PPP4R1: variants seen among roughly 807,000 people sequenced by gnomAD.
The protein encoded by PPP4R1 is serine/threonine-protein phosphatase 4 regulatory subunit 1.
A neutral mutation model predicts 111.2 loss-of-function variants in PPP4R1; 42 were observed. The observed-to-expected ratio is 0.38, with a 90% CI of 0.29 to 0.49. PPP4R1 has a LOEUF of 0.49. Among genes scored for constraint, PPP4R1 ranks in the 20% least tolerant of loss-of-function variants. The pLI is 0.97. For missense variants in PPP4R1, 1,012 were observed against 1,161.6 expected (o/e 0.87, Z 1.87); for synonymous variants, 409 against 405.5 (o/e 1.01, Z -0.10).
intron 15 of PPP4R1, among the ~76,000 whole-genome samples, chr18:9,554,827 A>C (rs2066545157): frequency 6.6e-6 from 1 of 152,258 alleles, no homozygotes; most frequent in South Asian, 2.1e-4. Flanking sequence ...AAAGGACACA[A>C]GAGGCAGCTT....
intron 2 of PPP4R1, among the ~76,000 whole-genome samples, chr18:9,605,027 A>G (rs1409958746): frequency 6.6e-6 from 1 of 152,210 alleles, no homozygotes; most frequent in African/African-American, 2.4e-5. Flanking sequence ...ATTGATCAAA[A>G]CACCCTTCTA....
intron 11 of PPP4R1, among the ~76,000 whole-genome samples, chr18:9,568,940 C>T (rs182974318): frequency 6.6e-5 from 10 of 151,974 alleles, no homozygotes; most frequent in African/African-American, 2.2e-4. Flanking sequence ...GAGGTTGAGG[C>T]CAAAGAATCG....
At chr18:9,558,357 G>A (rs1258884033) in intron 14 of PPP4R1, among the ~76,000 whole-genome samples, 1 of 152,118 alleles carries the variant, frequency 6.6e-6, no homozygotes, top group Non-Finnish European at 1.5e-5. Context: ...TACATCCCAC[G>A]GGAACCCTAC....
chr18:9,588,357 A>C, intron 5 of PPP4R1, 122 bp from the exon 6 acceptor site: 1 of 1,058,412 alleles, frequency 9.4e-7, no homozygotes, highest in Non-Finnish European at 1.3e-6. Flanking sequence ...AACTCCGCAA[A>C]TAAATATTTG....
intron 2 of PPP4R1, among the ~76,000 whole-genome samples, chr18:9,609,002 G>A (rs1431102940): frequency 1.3e-5 from 2 of 152,076 alleles, no homozygotes; most frequent in South Asian, 2.1e-4. Flanking sequence ...GAGGGCAGTG[G>A]ATCGTGTAGC....
At chr18:9,560,937 G>A (rs1421126867) in intron 13 of PPP4R1, among the ~76,000 whole-genome samples, 1 of 151,796 alleles carries the variant, frequency 6.6e-6, no homozygotes, top group Non-Finnish European at 1.5e-5. Flanking sequence ...TAATCCTAAG[G>A]CTGGGCACGG....
At position 9,584,761 on chromosome 18, in the gene PPP4R1, C is replaced by A. The variant is rs750981983; in HGVS notation, c.653G>T (p.Cys218Phe). The A allele has an allele frequency of 6.2e-7, 1 of 1,613,884 alleles. No individual in the cohort carries two copies. The highest frequency in any genetic ancestry group is 1.7e-5 in the Admixed American group (1 of 60,006). ...ITERLILPRF[C>F]EMCCDCRMFH... ...CATTCTGCAATCGCAGCACATCTCA[C>A]AAAACCTAGGGAGGATAAGACGCTC... Residue 218 changes from cysteine to phenylalanine, a missense_variant, in exon 7 of 20, where the codon TGT (cysteine) becomes TTT (phenylalanine). Physicochemically the swap from Cys to Phe is radical, Grantham distance 205. Around this residue, in one of 2 missense-constraint regions of PPP4R1, gnomAD observed 707 missense variants for 742.1 expected, o/e 0.95. Coordinates refer to ENST00000400556, the MANE Select transcript of PPP4R1 (RefSeq NM_001042388.3).
intron 11 of PPP4R1, among the ~76,000 whole-genome samples, chr18:9,566,019 T>G (rs2066759178): frequency 6.6e-6 from 1 of 151,962 alleles, no homozygotes; most frequent in Admixed American, 6.6e-5. Context: ...CTAGCAATTC[T>G]CCTGCCCCAG....
At position 9,556,694 on chromosome 18, in the gene PPP4R1, C is replaced by T. The variant is rs112298248; in HGVS notation, c.2190+527G>A. ...GGGCTAAACGTAAATTCTCAAGACGCCTGAAATACCACACAAAGCCTCCAA... is the reference window on the plus strand; with the variant it reads ...GGGCTAAACGTAAATTCTCAAGACGTCTGAAATACCACACAAAGCCTCCAA... On this transcript the variant is annotated intron_variant, in intron 15 of 19. Transcript: ENST00000400556. Among the ~76,000 whole-genome samples, 3 of 152,294 alleles carry T rather than the reference C, an allele frequency of 2.0e-5. 1 individual carries two copies. Among genetic ancestry groups the T allele is most frequent in the African/African-American group, 7.2e-5 (3 of 41,562 alleles).
intron 9 of PPP4R1, among the ~76,000 whole-genome samples, chr18:9,578,554 T>TAA (rs58206099): frequency 5.2e-5 from 7 of 135,852 alleles, no homozygotes; most frequent in South Asian, 2.4e-4. Flanking sequence ...TTCTTTTCTT[T>TAA]AAAAAAAAAA....
At chr18:9,602,985 A>G (rs2067417069) in intron 2 of PPP4R1, among the ~76,000 whole-genome samples, 1 of 152,212 alleles carries the variant, frequency 6.6e-6, no homozygotes, top group Non-Finnish European at 1.5e-5. Flanking sequence ...ACACAGTGAT[A>G]ATGTCTGCAA....
rs758040581 is a variant in PPP4R1, at chr18:9,550,142, C to T, written c.2457G>A (p.Thr819=). ...VKKLHAATPP[T]FGVDLINELV... is the part of the protein sequence containing the mutation. ...GCTCATTGATGAGGTCCACTCCGAA[C>T]GTTGGTGGTGTTGCCGCGTGCAGCT... Residue 819 remains threonine (T), a synonymous_variant, in exon 18 of 20, where the codon ACG becomes ACA. Transcript: ENST00000400556. 9.9e-6 allele frequency: 16 copies of T among 1,614,080 alleles called. No individual in the cohort carries two copies. In the Admixed American group the frequency reaches 1.2e-4, roughly 12 times the overall value.
intron 4 of PPP4R1, chr18:9,590,295 CA>C (rs1439801667): frequency 1.3e-5 from 2 of 152,282 alleles, no homozygotes; most frequent in East Asian, 3.9e-4. Context: ...ATCTTATCAA[CA>C]AACCAATATC....
In PPP4R1 at chr18:9,548,370, G is replaced by A. The variant is rs73395773; in HGVS notation, c.2690-418C>T. ...ACTTCTTTCTGTGCTTCATTCATCC[G>A]TGCAACTATATTTATGAGGTGTTTT... On this transcript the variant is annotated intron_variant, in intron 19 of 19. Transcript: ENST00000400556. 6.1e-3 allele frequency among the ~76,000 whole-genome samples: 925 copies of A among 151,618 alleles called. 16 individuals are homozygous for A. The highest frequency in any genetic ancestry group is 0.021 in the African/African-American group (875 of 41,340).
intron 15 of PPP4R1, among the ~76,000 whole-genome samples, chr18:9,555,013 A>C (rs2066548551): frequency 6.6e-6 from 1 of 152,184 alleles, no homozygotes; most frequent in South Asian, 2.1e-4. Flanking sequence ...ATAAAAACAG[A>C]AGGAATGGCC....
At chr18:9,581,585 C>T (rs1008902423) in intron 9 of PPP4R1, among the ~76,000 whole-genome samples, 4 of 151,830 alleles carry the variant, frequency 2.6e-5, no homozygotes, top group Admixed American at 2.6e-4. Flanking sequence ...AAATGTGGGC[C>T]ATCATTAAGC....
intron 2 of PPP4R1, among the ~76,000 whole-genome samples, chr18:9,598,180 G>T (rs1356521733): frequency 6.6e-6 from 1 of 152,120 alleles, no homozygotes; most frequent in Non-Finnish European, 1.5e-5. Flanking sequence ...TCAATCAATT[G>T]TAGGAAAACT....
At chr18:9,553,668 AAACCCC>A (rs1212996742) in intron 15 of PPP4R1, among the ~76,000 whole-genome samples, 2 of 152,228 alleles carry the variant, frequency 1.3e-5, no homozygotes, top group Non-Finnish European at 2.9e-5. Context: ...GAGCCACGCT[AAACCCC>A]ACAGTACCCC....
intron 3 of PPP4R1, among the ~76,000 whole-genome samples, chr18:9,594,480 C>A (rs1490451564): frequency 6.6e-6 from 1 of 152,094 alleles, no homozygotes; most frequent in Non-Finnish European, 1.5e-5. Context: ...CACACTCATT[C>A]ATTATACAAA....
Sources: gnomAD v4.1 joint callset for allele counts (sites outside exome capture counted in the v4.1 genomes callset) on GRCh38, gnomAD v4.1.1 for gene constraint, gnomAD v4.1.1 regional missense constraint, MANE v1.5 for transcripts, NCBI Gene and HGNC (gene_info 2026-07-23, HGNC 2026-07-21) for gene names.